The following ZNF320 variants were observed in gnomAD, a reference collection of about 807,000 sequenced individuals.
The protein encoded by ZNF320 is zinc finger gene 320.
ZNF320 carries 2 observed loss-of-function variants against 6.8 expected under a neutral mutation model. The observed-to-expected ratio is 0.29, with a 90% confidence interval of 0.12 to 0.93. The LOEUF (loss-of-function observed/expected upper bound fraction) is 0.93, where lower values mean the gene tolerates loss of function less well. Among genes scored for constraint, ZNF320 ranks in the 40% least tolerant of loss-of-function variants. ZNF320 has a pLI of 0.55. For synonymous variants in ZNF320, 208 were observed against 203.2 expected (o/e 1.02, Z -0.20); for missense variants, 472 against 611.0 (o/e 0.77, Z 2.40).
intron 5 of ZNF320, among the ~76,000 whole-genome samples, chr19:52,886,950 GAAGA>G (rs1246139147): frequency 2.3e-5 from 3 of 129,962 alleles, no homozygotes; most frequent in African/African-American, 5.7e-5. Context: ...AGAAAGAAAA[GAAGA>G]AAGAAAGAAA....
In ZNF320 at chr19:52,876,267, A is replaced by G. The variant is rs2063764490; in HGVS notation, c.*4329T>C. 1 of 152,244 alleles carries G rather than the reference A, an allele frequency of 6.6e-6. No homozygotes were observed. Among genetic ancestry groups the G allele is most frequent in the South Asian group, 2.1e-4 (1 of 4,830 alleles). 9.4% of individuals were successfully genotyped at this position (152,244 alleles called of 1,614,324 possible). A position where few individuals can be genotyped will look rare whatever the true frequency, so the allele number is the denominator to read the frequency against. On this transcript the variant is annotated 3_prime_UTR_variant, in exon 6 of 6. Coordinates refer to ENST00000682928, the MANE Select transcript of ZNF320 (RefSeq NM_001351774.2). ...ACATCGAAACAACCTAAAATCATTT[A>G]TCAGGTACTAGAAAATGTTTCCAAT...
downstream of ZNF320, chr19:52,873,953 G>A (rs1290055113): frequency 2.4e-6 from 1 of 424,832 alleles, no homozygotes; most frequent in African/African-American, 2.1e-5. Context: ...TTTCAGAAAG[G>A]AAAGAGACAG....
At position 52,877,221 on chromosome 19, in the gene ZNF320, G is replaced by A. The variant is rs1268233540; in HGVS notation, c.*3375C>T. 1 of 152,206 alleles carries A rather than the reference G, an allele frequency of 6.6e-6. No individual in the cohort carries two copies. Among genetic ancestry groups the A allele is most frequent in the Non-Finnish European group, 1.5e-5 (1 of 68,080 alleles). The allele number at this position is 152,206 out of a possible 1,614,324, so 9.4% of individuals were successfully genotyped here. A position where few individuals can be genotyped will look rare whatever the true frequency, so the allele number is the denominator to read the frequency against. ...TGATGACGTGTGTCCATGGTGTTGA[G>A]GCTGCAGTTTGGTTTCACACATTTT... On this transcript the variant is annotated 3_prime_UTR_variant, in exon 6 of 6. Coordinates refer to ENST00000682928, the MANE Select transcript of ZNF320 (RefSeq NM_001351774.2).
At chr19:52,895,960 T>C (rs909326806) in intron 1 of ZNF320, among the ~76,000 whole-genome samples, 7 of 152,120 alleles carry the variant, frequency 4.6e-5, no homozygotes, top group African/African-American at 1.7e-4. Flanking sequence ...TTAAAATGGT[T>C]AAAAATATAT....
intron 5 of ZNF320, among the ~76,000 whole-genome samples, chr19:52,868,894 C>A (rs1479446647): frequency 6.6e-6 from 1 of 152,014 alleles, no homozygotes; most frequent in Non-Finnish European, 1.5e-5. Flanking sequence ...TAATTTTGTC[C>A]AGTGGATGAA....
chr19:52,885,032 C>T (rs887926746), intron 5 of ZNF320, among the ~76,000 whole-genome samples: 3 of 145,244 alleles, frequency 2.1e-5, no homozygotes, highest in South Asian at 2.2e-4. Flanking sequence ...CCCATCTCTG[C>T]TAAAAAAAAA....
intron 5 of ZNF320, among the ~76,000 whole-genome samples, chr19:52,883,393 G>A (rs2063981727): frequency 6.6e-6 from 1 of 152,054 alleles, no homozygotes; most frequent in Non-Finnish European, 1.5e-5. Context: ...GAGTGTGTCA[G>A]TTATATTGAA....
At chr19:52,900,604 A>T (rs2064568121), upstream of ZNF320, among the ~76,000 whole-genome samples, 1 of 152,172 alleles carries the variant, frequency 6.6e-6, no homozygotes, top group African/African-American at 2.4e-5. Context: ...TTATTTCATC[A>T]TAGAAAGCCT....
chr19:52,886,288 C>A (rs745774032), intron 5 of ZNF320, among the ~76,000 whole-genome samples: 9 of 152,104 alleles, frequency 5.9e-5, no homozygotes, highest in Non-Finnish European at 1.3e-4. Context: ...CTGCCCACCA[C>A]TGTGCCTGGC....
chr19:52,883,673 G>T lies in ZNF320; in HGVS notation c.143-1690C>A, dbSNP rs1399273556. The T allele has an allele frequency of 6.6e-6, 3 of 451,618 alleles. 1 individual carries two copies. Among genetic ancestry groups the T allele is most frequent in the Non-Finnish European group, 1.3e-5 (3 of 225,016 alleles). 28.0% of individuals were successfully genotyped at this position (451,618 alleles called of 1,614,324 possible). A position where few individuals can be genotyped will look rare whatever the true frequency, so the allele number is the denominator to read the frequency against. The stretch of plus-strand genomic sequence containing the variant: ...CCAGCATTTTGGTAGGCTGAGTCGG[G>T]TGGATCATGAGGTCAGGAGTTTGAG... On this transcript the variant is annotated intron_variant, in intron 5 of 5. Transcript: ENST00000682928.
At chr19:52,868,461 G>A (rs1428647389) in intron 5 of ZNF320, among the ~76,000 whole-genome samples, 2 of 151,320 alleles carry the variant, frequency 1.3e-5, no homozygotes, top group African/African-American at 4.9e-5. Flanking sequence ...AGCTCGGATT[G>A]CGCCACTGTA....
chr19:52,898,962 T>G (rs774878785), upstream of ZNF320, among the ~76,000 whole-genome samples: 1 of 152,244 alleles, frequency 6.6e-6, no homozygotes, highest in African/African-American at 2.4e-5. Context: ...AGGTACTGAG[T>G]ATAAAACAAT....
exon 6 of ZNF320, chr19:52,862,039 T>A: frequency 2.6e-6 from 1 of 382,690 alleles, no homozygotes. Flanking sequence ...AGTTCGCTGA[T>A]GAACTGCAAG....
the ZNF320 span, among the ~76,000 whole-genome samples, chr19:52,903,702 A>G: frequency 4.8e-5 from 6 of 124,164 alleles, no homozygotes; most frequent in African/African-American, 2.2e-4. Context: ...TGCCTGAACT[A>G]TGTTTTTTTT....
At chr19:52,865,522 CATAT>C (rs1273231909) in intron 5 of ZNF320, 1 of 133,274 alleles carries the variant, frequency 7.5e-6, no homozygotes, top group East Asian at 2.0e-4. Flanking sequence ...ATATATTATA[CATAT>C]ATATTTATAT....
rs1568709423 is a variant in ZNF320 at position 52,879,874 on chromosome 19, A to G, written c.*722T>C. On this transcript the variant is annotated 3_prime_UTR_variant, in exon 6 of 6. Coordinates refer to ENST00000682928, the MANE Select transcript of ZNF320 (RefSeq NM_001351774.2). ...TAAAGTAAGAAATACTTAGGAATAAATGAAAAAAGTTGAGAAGTTTCTACC... is the reference window on the plus strand; with the variant it reads ...TAAAGTAAGAAATACTTAGGAATAAGTGAAAAAAGTTGAGAAGTTTCTACC... 1 of 152,244 alleles carries G rather than the reference A, an allele frequency of 6.6e-6. No individual in the cohort carries two copies. Among genetic ancestry groups the G allele is most frequent in the Non-Finnish European group, 1.5e-5 (1 of 68,044 alleles). 9.4% of individuals were successfully genotyped at this position (152,244 alleles called of 1,614,324 possible). A position where few individuals can be genotyped will look rare whatever the true frequency, so the allele number is the denominator to read the frequency against.
At chr19:52,902,890 GGAT>G in the ZNF320 span, among the ~76,000 whole-genome samples, 1 of 152,068 alleles carries the variant, frequency 6.6e-6, no homozygotes, top group East Asian at 1.9e-4. Context: ...CAGAAAAACT[GGAT>G]GATACCTTTT....
chr19:52,902,118 T>G (rs1213606169), upstream of ZNF320, among the ~76,000 whole-genome samples: 2 of 152,000 alleles, frequency 1.3e-5, no homozygotes, highest in Non-Finnish European at 2.9e-5. Context: ...ACACATCTGC[T>G]CAGAGATGAA....
At chr19:52,860,640 T>C (rs537410706), downstream of ZNF320, among the ~76,000 whole-genome samples, 7 of 151,856 alleles carry the variant, frequency 4.6e-5, no homozygotes, top group Admixed American at 3.3e-4. Flanking sequence ...TTCTTGGTAT[T>C]TTAGTGTGCA....
Sources: gnomAD v4.1 joint callset for allele counts (sites outside exome capture counted in the v4.1 genomes callset) on GRCh38, gnomAD v4.1.1 for gene constraint, MANE v1.5 for transcripts, NCBI Gene and HGNC (gene_info 2026-07-23, HGNC 2026-07-21) for gene names.